Variants in ZNF827 observed in about 807,000 individuals in gnomAD.
The protein encoded by ZNF827 is zinc finger protein 827.
In ZNF827, 13 loss-of-function variants were observed where a neutral mutation model predicts 102.4. The observed-to-expected ratio is 0.13, with a 90% CI of 0.08 to 0.20. The LOEUF is 0.20. ZNF827 is among the 10% of genes least tolerant of loss of function. The pLI is 1.00. For synonymous variants in ZNF827, 523 were observed against 536.2 expected (o/e 0.98, Z 0.34); for missense variants, 1,103 against 1,344.4 (o/e 0.82, Z 2.81).
intron 1 of ZNF827, among the ~76,000 whole-genome samples, chr4:145,933,599 G>T (rs1753959793): frequency 6.6e-6 from 1 of 152,124 alleles, no homozygotes; most frequent in South Asian, 2.1e-4. Flanking sequence ...ATCTGGTCTT[G>T]ACCCACAACT....
At chr4:145,930,776 G>A (rs1033150459) in intron 1 of ZNF827, among the ~76,000 whole-genome samples, 9 of 152,140 alleles carry the variant, frequency 5.9e-5, no homozygotes, top group Non-Finnish European at 8.8e-5. Context: ...ACCTCAGATC[G>A]TGGGCGCGTA....
intron 7 of ZNF827, among the ~76,000 whole-genome samples, chr4:145,824,339 T>C (rs1251481644): frequency 6.6e-6 from 1 of 152,196 alleles, no homozygotes; most frequent in African/African-American, 2.4e-5. Context: ...AGTACTGCGA[T>C]CACATATAAG....
At chr4:145,788,653 A>G (rs1739236605) in intron 8 of ZNF827, among the ~76,000 whole-genome samples, 1 of 152,168 alleles carries the variant, frequency 6.6e-6, no homozygotes, top group Admixed American at 6.5e-5. Flanking sequence ...ATATTACAAC[A>G]TGGAAGCAAA....
chr4:145,881,615 C>T (rs1052151505), intron 4 of ZNF827, among the ~76,000 whole-genome samples: 3 of 152,130 alleles, frequency 2.0e-5, no homozygotes, highest in African/African-American at 4.8e-5. Flanking sequence ...CTAATAATGA[C>T]GACCCTCCCA....
chr4:145,776,590 G>A (rs1305919427), intron 9 of ZNF827, among the ~76,000 whole-genome samples: 1 of 151,946 alleles, frequency 6.6e-6, no homozygotes, highest in Non-Finnish European at 1.5e-5. Context: ...TATTCTGTGA[G>A]TGAGCAAGTG....
At chr4:145,864,010 A>C (rs1303346980) in intron 5 of ZNF827, among the ~76,000 whole-genome samples, 5 of 152,020 alleles carry the variant, frequency 3.3e-5, no homozygotes, top group African/African-American at 1.2e-4. Context: ...CCTAGTCAAC[A>C]TGGTGAAACC....
intron 11 of ZNF827, among the ~76,000 whole-genome samples, 164 bp downstream of exon 11, chr4:145,774,342 T>A (rs1343117718): frequency 6.6e-6 from 1 of 152,190 alleles, no homozygotes; most frequent in Admixed American, 6.5e-5. Context: ...AACAGTATTA[T>A]GACTACAGGG....
chr4:145,771,790 G>A (rs1439792501), intron 11 of ZNF827, among the ~76,000 whole-genome samples: 1 of 152,222 alleles, frequency 6.6e-6, no homozygotes, highest in Admixed American at 6.5e-5. Context: ...AGCTTATCCT[G>A]TAGATCACAA....
chr4:145,860,742 GA>G (rs763037414), intron 5 of ZNF827, among the ~76,000 whole-genome samples: 1 of 152,180 alleles, frequency 6.6e-6, no homozygotes, highest in East Asian at 1.9e-4. Context: ...GTGGAGTAAA[GA>G]AAAGAATTAT....
chr4:145,875,129 A>T (rs185700726), intron 4 of ZNF827, among the ~76,000 whole-genome samples: 175 of 152,332 alleles, frequency 1.1e-3, no homozygotes, highest in African/African-American at 3.7e-3. Flanking sequence ...AAAATACTAT[A>T]TAACTTCCCT....
At chr4:145,825,302 G>A (rs2126505541) in intron 7 of ZNF827, among the ~76,000 whole-genome samples, 1 of 152,344 alleles carries the variant, frequency 6.6e-6, no homozygotes, top group East Asian at 1.9e-4. Context: ...CATGGTAGAG[G>A]CAAATGAGTC....
intron 8 of ZNF827, among the ~76,000 whole-genome samples, chr4:145,817,682 A>G (rs1414762908): frequency 6.6e-6 from 1 of 152,218 alleles, no homozygotes; most frequent in East Asian, 1.9e-4. Flanking sequence ...GGATGGGGAC[A>G]CAGAGCTAAA....
intron 1 of ZNF827, among the ~76,000 whole-genome samples, chr4:145,911,437 A>C (rs1416549735): frequency 6.6e-6 from 1 of 152,210 alleles, no homozygotes; most frequent in South Asian, 2.1e-4. Context: ...CACAATGCCA[A>C]GAGCTCAATA....
At chr4:145,817,509 G>A (rs1448834051) in intron 8 of ZNF827, among the ~76,000 whole-genome samples, 1 of 152,158 alleles carries the variant, frequency 6.6e-6, no homozygotes, top group Non-Finnish European at 1.5e-5. Flanking sequence ...AAGGGAAGCA[G>A]GCACATCTTA....
chr4:145,776,468 A>AAG (rs1737111656), intron 9 of ZNF827, among the ~76,000 whole-genome samples: 1 of 137,054 alleles, frequency 7.3e-6, no homozygotes, highest in African/African-American at 2.8e-5. Flanking sequence ...TTCAAAAAAA[A>AAG]GAAAAAAAAA....
intron 8 of ZNF827, among the ~76,000 whole-genome samples, chr4:145,815,342 T>C (rs1021914253): frequency 6.6e-6 from 1 of 152,044 alleles, no homozygotes; most frequent in Non-Finnish European, 1.5e-5. Flanking sequence ...AAAGTGAAAA[T>C]AGAAAAGCTA....
At chr4:145,815,658 A>G (rs1324920024) in intron 8 of ZNF827, among the ~76,000 whole-genome samples, 1 of 152,252 alleles carries the variant, frequency 6.6e-6, no homozygotes, top group African/African-American at 2.4e-5. Context: ...AAATGAGAAT[A>G]TGTATTTTTG....
chr4:145,930,688 T>C (rs1320174013), intron 1 of ZNF827, among the ~76,000 whole-genome samples: 2 of 152,218 alleles, frequency 1.3e-5, no homozygotes, highest in African/African-American at 4.8e-5. Flanking sequence ...ATATCCTTTT[T>C]AGGCACACTG....
At chr4:145,858,283 G>A (rs1040686972) in intron 5 of ZNF827, among the ~76,000 whole-genome samples, 1 of 152,030 alleles carries the variant, frequency 6.6e-6, no homozygotes, top group African/African-American at 2.4e-5. Flanking sequence ...TTTTCAAAAT[G>A]AGACGGTACA....
Sources: gnomAD v4.1 joint callset for allele counts (sites outside exome capture counted in the v4.1 genomes callset) on GRCh38, gnomAD v4.1.1 for gene constraint, MANE v1.5 for transcripts, NCBI Gene and HGNC (gene_info 2026-07-23, HGNC 2026-07-21) for gene names.